CTNND2: variants seen among roughly 807,000 people sequenced by gnomAD.
CTNND2 encodes catenin delta-2.
In CTNND2, 22 loss-of-function variants were observed where a neutral mutation model predicts 144.4. The ratio of observed to expected loss-of-function variants is 0.15; its 90% CI spans 0.11 to 0.22. The LOEUF is 0.22. Among genes scored for constraint, CTNND2 ranks in the 10% least tolerant of loss-of-function variants. The pLI is 1.00. For synonymous variants in CTNND2, 751 were observed against 695.6 expected, an observed-to-expected ratio of 1.08 and a Z score of -1.25; for missense variants, 1,353 against 1,618.8, an observed-to-expected ratio of 0.84 and a Z score of 2.82.
At chr5:11,502,555 T>A (rs962972143) in intron 3 of CTNND2, among the ~76,000 whole-genome samples, 1 of 152,288 alleles carries the variant, frequency 6.6e-6, no homozygotes, top group Non-Finnish European at 1.5e-5. Context: ...ACAATGAGAC[T>A]CTTGGAAGAC....
chr5:11,414,433 A>C (rs1384020945), intron 3 of CTNND2, among the ~76,000 whole-genome samples: 1 of 152,164 alleles, frequency 6.6e-6, no homozygotes, highest in Non-Finnish European at 1.5e-5. Flanking sequence ...ACAGCTATTT[A>C]CTAAGTGCTT....
intron 11 of CTNND2, among the ~76,000 whole-genome samples, chr5:11,194,876 G>A (rs185202514): frequency 1.2e-3 from 187 of 152,290 alleles, no homozygotes; most frequent in African/African-American, 4.0e-3. Context: ...CTTTTAAAGA[G>A]ATGATATTCT....
chr5:11,389,234 G>GAAATGGACA (rs1480050019), intron 6 of CTNND2, among the ~76,000 whole-genome samples: 1 of 152,134 alleles, frequency 6.6e-6, no homozygotes, highest in African/African-American at 2.4e-5. Flanking sequence ...CCATTTACGA[G>GAAATGGACA]AAATGGACAA....
Position 11,159,679 on chromosome 5 carries a change from C to T in CTNND2, c.2056G>A (p.Val686Met). The part of the protein sequence containing the change: ...QDALAVLTNA[V>M]IIPHSGWENS... ...TCCCAGCCTGAGTGGGGGATAATCA[C>T]CGCGTTGGTCAGTACTGCTAGGGCA... The change falls in exon 12 of 22, where the codon GTG (valine) becomes ATG (methionine). Residue 686 changes from valine (V) to methionine (M), a missense_variant. Val to Met is a conservative substitution (Grantham distance 21, BLOSUM62 1). Coordinates refer to ENST00000304623, the MANE Select transcript of CTNND2 (RefSeq NM_001332.4). 1.2e-6 allele frequency: 2 copies of T among 1,613,430 alleles called. No individual in the cohort carries two copies. Among genetic ancestry groups the T allele is most frequent in the Non-Finnish European group, 1.7e-6 (2 of 1,179,716 alleles).
chr5:11,765,272 C>T (rs1182672973), intron 1 of CTNND2, among the ~76,000 whole-genome samples: 2 of 152,114 alleles, frequency 1.3e-5, no homozygotes, highest in South Asian at 2.1e-4. Flanking sequence ...CTGGGGAACA[C>T]ACTGCTGGGC....
chr5:11,462,719 G>T (rs889758643), intron 3 of CTNND2, among the ~76,000 whole-genome samples: 9 of 152,040 alleles, frequency 5.9e-5, no homozygotes, highest in African/African-American at 2.2e-4. Context: ...TTACTTTTAT[G>T]TTATGTGCTG....
In CTNND2 at chr5:11,546,869, C is replaced by T. The variant is rs533782301; in HGVS notation, c.287+18075G>A. On this transcript the variant is annotated intron_variant, in intron 3 of 21. Transcript: ENST00000304623. ...AGATATGGCATTAAAGCTTATGAGA[C>T]AAATGACAGTCTGCTCAACAGCAGG... Among the ~76,000 whole-genome samples the T allele has an allele frequency of 2.6e-5, 4 of 152,204 alleles. No homozygotes were observed. In the South Asian group the frequency reaches 8.3e-4, roughly 32 times the overall value.
chr5:11,386,498 A>C (rs975060781), intron 6 of CTNND2, among the ~76,000 whole-genome samples: 2 of 152,218 alleles, frequency 1.3e-5, no homozygotes, highest in Admixed American at 6.5e-5. Flanking sequence ...TGGGATGTCA[A>C]GTTCATATGC....
At chr5:11,811,639 G>C (rs1013255114) in intron 1 of CTNND2, among the ~76,000 whole-genome samples, 2 of 152,108 alleles carry the variant, frequency 1.3e-5, no homozygotes, top group South Asian at 2.1e-4. Context: ...AAGTACTAGA[G>C]AGTGAATTAA....
intron 16 of CTNND2, among the ~76,000 whole-genome samples, chr5:11,067,334 C>A (rs1747725293): frequency 6.6e-6 from 1 of 152,192 alleles, no homozygotes; most frequent in East Asian, 1.9e-4. Context: ...GGTTATAGCT[C>A]TAAGTATTAA....
At chr5:11,498,469 C>G (rs1258890021) in intron 3 of CTNND2, among the ~76,000 whole-genome samples, 1 of 152,136 alleles carries the variant, frequency 6.6e-6, no homozygotes, top group Non-Finnish European at 1.5e-5. Context: ...CCACTCTAGA[C>G]TTCCTCATAA....
intron 9 of CTNND2, among the ~76,000 whole-genome samples, chr5:11,340,082 T>G (rs1754089831): frequency 6.6e-6 from 1 of 152,086 alleles, no homozygotes; most frequent in East Asian, 1.9e-4. Context: ...CAGGCCTGAG[T>G]GTTCCCACTG....
intron 2 of CTNND2, among the ~76,000 whole-genome samples, chr5:11,582,812 T>C (rs559309137): frequency 6.6e-6 from 1 of 152,286 alleles, no homozygotes; most frequent in East Asian, 1.9e-4. Flanking sequence ...CTGAGAAAGT[T>C]ATATTAAAAA....
intron 3 of CTNND2, among the ~76,000 whole-genome samples, chr5:11,446,170 A>C (rs1325886075): frequency 6.6e-6 from 1 of 152,172 alleles, no homozygotes; most frequent in Non-Finnish European, 1.5e-5. Context: ...ATGGGGTTTC[A>C]CCATATTGGT....
At chr5:11,817,704 T>C (rs992036022) in intron 1 of CTNND2, among the ~76,000 whole-genome samples, 2 of 152,146 alleles carry the variant, frequency 1.3e-5, no homozygotes, top group South Asian at 2.1e-4. Context: ...CCACGCTCTG[T>C]CTCCACAGGT....
intron 1 of CTNND2, among the ~76,000 whole-genome samples, chr5:11,820,533 A>G (rs1249599980): frequency 6.6e-6 from 1 of 152,256 alleles, no homozygotes; most frequent in Non-Finnish European, 1.5e-5. Context: ...AAATGACTAT[A>G]GTCCCAGCTC....
chr5:11,661,084 G>A (rs1408182461), intron 2 of CTNND2, among the ~76,000 whole-genome samples: 1 of 152,108 alleles, frequency 6.6e-6, no homozygotes, highest in Non-Finnish European at 1.5e-5. Context: ...GGTAGCCACA[G>A]TGAGTGGCTT....
At chr5:11,870,752 C>A (rs182841538) in intron 1 of CTNND2, among the ~76,000 whole-genome samples, 22 of 152,324 alleles carry the variant, frequency 1.4e-4, no homozygotes, top group African/African-American at 5.3e-4. Flanking sequence ...AGTGCAAGAA[C>A]TGGCAGGAAA....
intron 12 of CTNND2, among the ~76,000 whole-genome samples, chr5:11,157,714 T>C (rs1194766166): frequency 1.3e-5 from 2 of 152,276 alleles, no homozygotes; most frequent in Non-Finnish European, 1.5e-5. Flanking sequence ...CCTTCTGTCA[T>C]GATATGGACG....
Sources: gnomAD v4.1 joint callset for allele counts (sites outside exome capture counted in the v4.1 genomes callset) on GRCh38, gnomAD v4.1.1 for gene constraint, MANE v1.5 for transcripts, NCBI Gene and HGNC (gene_info 2026-07-23, HGNC 2026-07-21) for gene names.